The following PRPF6 variants were observed in gnomAD, a reference collection of about 807,000 sequenced individuals.
The protein encoded by PRPF6 is pre-mRNA processing factor 6.
In PRPF6, 42 loss-of-function variants were observed where a neutral mutation model predicts 118.3. The observed-to-expected ratio is 0.35, with a 90% CI of 0.28 to 0.46. PRPF6 has a LOEUF of 0.46. Among genes scored for constraint, PRPF6 ranks in the 20% least tolerant of loss-of-function variants. The pLI is 1.00. For synonymous variants in PRPF6, 481 were observed against 485.1 expected, an observed-to-expected ratio of 0.99 and a Z score of 0.11; for missense variants, 662 against 1,255.7, an observed-to-expected ratio of 0.53 and a Z score of 7.15.
chr20:63,995,476 G>A lies in PRPF6; in HGVS notation c.765G>A (p.Leu255=). 2 of 1,614,106 alleles carry A rather than the reference G, an allele frequency of 1.2e-6. No individual in the cohort carries two copies. Among genetic ancestry groups the A allele is most frequent in the Non-Finnish European group, 1.7e-6 (2 of 1,180,032 alleles). The change falls in exon 6 of 21, where the codon CTG becomes CTA. Residue 255 remains leucine, a synonymous_variant. Coordinates refer to ENST00000266079, the MANE Select transcript of PRPF6 (RefSeq NM_012469.4). ...GGAACACTCTGATGGACATGAGGCT[G>A]AGCCAGGTGAGTTTGTCACACAGCA... ...QARNTLMDMR[L]SQVSDSVSGQ...
intron 10 of PRPF6, 61 bp downstream of exon 10, chr20:64,010,379 C>T: frequency 7.5e-7 from 1 of 1,333,502 alleles, no homozygotes. Context: ...AGCCCAGGTT[C>T]AGTGTCTGGA....
At position 64,010,266 on chromosome 20, in the gene PRPF6, A is replaced by G; in HGVS notation, c.1253A>G (p.Asp418Gly). 6.2e-7 allele frequency: 1 copy of G among 1,614,134 alleles called. No individual in the cohort carries two copies. Among genetic ancestry groups the G allele is most frequent in the Non-Finnish European group, 8.5e-7 (1 of 1,180,034 alleles). The change falls in exon 10 of 21, where the codon GAT becomes GGT. Residue 418 changes from aspartate (D) to glycine (G), a missense_variant. Around this residue, in one of 10 missense-constraint regions of PRPF6, gnomAD observed 189 missense variants for 323.5 expected, o/e 0.58. Transcript: ENST00000266079. ...GCCGTTGAGCTGGAAGAACCTGAAG[A>G]TGCTAGAATCATGCTGAGCCGAGCT... Reference protein sequence around the residue: ...KAAVELEEPEDARIMLSRAVE... With the variant: ...KAAVELEEPEGARIMLSRAVE...
At chr20:63,997,398 C>T (rs370528638) in intron 6 of PRPF6, among the ~76,000 whole-genome samples, 8 of 146,436 alleles carry the variant, frequency 5.5e-5, no homozygotes, top group African/African-American at 2.0e-4. Context: ...TCAAATGATT[C>T]TCCCACCTGA....
intron 3 of PRPF6, among the ~76,000 whole-genome samples, 181 bp from the exon 4 acceptor site, chr20:63,993,226 A>ATGTGTGTGTG (rs61077852): frequency 0.014 from 1,852 of 129,290 alleles, 21 homozygotes; most frequent in Admixed American, 0.019. Context: ...AAAAAAAAAA[A>ATGTGTGTGTG]TGTGTGTGTG....
chr20:63,986,988 G>A (rs1361599930), intron 3 of PRPF6, among the ~76,000 whole-genome samples: 2 of 151,064 alleles, frequency 1.3e-5, no homozygotes, highest in Non-Finnish European at 3.0e-5. Context: ...AGGCAAGAGG[G>A]TAATACCTTT....
chr20:63,982,415 C>G (rs1465382066), intron 1 of PRPF6, among the ~76,000 whole-genome samples: 1 of 152,158 alleles, frequency 6.6e-6, no homozygotes, highest in African/African-American at 2.4e-5. Flanking sequence ...CATGATCCAC[C>G]CGCCTCCGTC....
intron 14 of PRPF6, among the ~76,000 whole-genome samples, chr20:64,025,514 T>C (rs1407247708): frequency 1.3e-5 from 2 of 152,244 alleles, no homozygotes; most frequent in Admixed American, 6.5e-5. Context: ...CCTGCCCATG[T>C]GGGCTCATGA....
rs1425888052 is a variant in PRPF6 at position 64,031,681 on chromosome 20, AAAAAAAAAAACAAC to A, written c.2547-227_2547-214del. Among the ~76,000 whole-genome samples, 626 of 151,442 alleles carry A rather than the reference AAAAAAAAAAACAAC, an allele frequency of 4.1e-3. 6 individuals are homozygous for A. Among genetic ancestry groups the A allele is most frequent in the African/African-American group, 0.015 (602 of 41,134 alleles). On this transcript the variant is annotated intron_variant, in intron 19 of 20. Transcript: ENST00000266079. The stretch of plus-strand genomic sequence containing the variant: ...GAGCGAGACTCCTTCTCAAAAAAAA[AAAAAAAAAAACAAC>A]AAAAAAAAACCAATTTGGTTAGACC...
In PRPF6 at chr20:63,995,457, C is replaced by T; in HGVS notation, c.746C>T (p.Thr249Ile). 6.2e-7 allele frequency: 1 copy of T among 1,614,152 alleles called. No individual in the cohort carries two copies. Among genetic ancestry groups the T allele is most frequent in the African/African-American group, 1.3e-5 (1 of 75,038 alleles). The change falls in exon 6 of 21, where the codon ACT becomes ATT. Residue 249 changes from threonine (T) to isoleucine (I), a missense_variant. By Grantham distance (89) the Thr-to-Ile change is moderately conservative. This residue lies in a region of PRPF6 where 71 missense variants were observed against 166.4 expected (regional missense o/e 0.43). Transcript: ENST00000266079. ...DMRKIGQARN[T>I]LMDMRLSQVS... is the part of the protein sequence containing the mutation. ...AGGAAGATTGGCCAAGCGAGGAACA[C>T]TCTGATGGACATGAGGCTGAGCCAG... is the stretch of plus-strand genomic sequence containing the variant.
chr20:63,993,256 GTGTGTGTATA>G (rs1329118402), intron 3 of PRPF6, 141 bp from the exon 4 acceptor site: 14 of 423,078 alleles, frequency 3.3e-5, no homozygotes, highest in African/African-American at 1.8e-4. Flanking sequence ...GTGTGTGTGT[GTGTGTGTATA>G]TGTATATATA....
At chr20:63,997,809 C>T (rs1013840701) in intron 6 of PRPF6, among the ~76,000 whole-genome samples, 13 of 151,736 alleles carry the variant, frequency 8.6e-5, no homozygotes, top group African/African-American at 3.1e-4. Flanking sequence ...TCCTGACCTC[C>T]AGTGATCCAC....
rs376119725 is a variant in PRPF6 at position 64,024,547 on chromosome 20, T to A, written c.1770-8T>A. On this transcript the variant is annotated splice_polypyrimidine_tract_variant and splice_region_variant and intron_variant, in intron 13 of 20. Coordinates refer to ENST00000266079, the MANE Select transcript of PRPF6 (RefSeq NM_012469.4). ...TGCCTCTGGTGACCGTGGCCTCTTA[T>A]CTTGCAGGGAGTCCCTGGAAGCACT... The A allele has an allele frequency of 5.5e-5, 88 of 1,613,210 alleles. No individual in the cohort carries two copies. The African/African-American group carries it at 1.1e-3, about 21-fold the overall frequency.
intron 10 of PRPF6, among the ~76,000 whole-genome samples, chr20:64,010,951 T>A (rs2059214060): frequency 6.6e-6 from 1 of 152,162 alleles, no homozygotes; most frequent in African/African-American, 2.4e-5. Flanking sequence ...CCCTTCTGTG[T>A]GTTTAGCCTG....
In PRPF6 at chr20:64,027,551, C is replaced by G. The variant is rs2059296434; in HGVS notation, c.2206-52C>G. ...GATGAGAAGCTGGGCATGGCTGTGTCCCAGTTCTTCATAGACACCACCTGA... is the reference window on the plus strand; with the variant it reads ...GATGAGAAGCTGGGCATGGCTGTGTGCCAGTTCTTCATAGACACCACCTGA... On this transcript the variant is annotated intron_variant, in intron 16 of 20. Coordinates refer to ENST00000266079, the MANE Select transcript of PRPF6 (RefSeq NM_012469.4). This position sits in a 1 kb window ranked among gnomAD's most constrained non-coding sequence, Gnocchi z 6.5. The G allele has an allele frequency of 5.6e-6, 9 of 1,613,366 alleles. No individual in the cohort carries two copies. In the South Asian group the frequency reaches 9.9e-5, roughly 18 times the overall value.
At chr20:63,993,996 C>T (rs552421006) in intron 4 of PRPF6, among the ~76,000 whole-genome samples, 1 of 152,194 alleles carries the variant, frequency 6.6e-6, no homozygotes, top group Admixed American at 6.6e-5. Context: ...GTGATCTGCC[C>T]ACCTCAGCCT....
At chr20:64,031,687 A>AAAC (rs1555921512) in intron 19 of PRPF6, among the ~76,000 whole-genome samples, 5 of 149,154 alleles carry the variant, frequency 3.4e-5, no homozygotes, top group Admixed American at 1.3e-4. Flanking sequence ...AAAAAAAAAA[A>AAAC]AAAACAACAA....
chr20:63,984,527 C>T (rs1371188989), intron 2 of PRPF6, among the ~76,000 whole-genome samples: 1 of 152,196 alleles, frequency 6.6e-6, no homozygotes, highest in Non-Finnish European at 1.5e-5. Flanking sequence ...CCAAGCTTCT[C>T]CCGATGTTAC....
Position 64,027,153 on chromosome 20 carries a change from C to G in PRPF6, c.2200C>G (p.Gln734Glu), listed in dbSNP as rs150405861. ...MMEKAREAYNQGLKKCPHSTP... is the reference protein window; with the variant it reads ...MMEKAREAYNEGLKKCPHSTP... ...GGAGAAGGCGCGGGAAGCCTATAAC[C>G]AGGGGGTACGTCTCTGCCTGCACCC... The change falls in exon 16 of 21, where the codon CAG becomes GAG. Residue 734 changes from glutamine to glutamate, a missense_variant. Gln to Glu is a conservative substitution (Grantham distance 29). Transcript: ENST00000266079. This position sits in a 1 kb window ranked among gnomAD's most constrained non-coding sequence, Gnocchi z 6.5. 16 of 1,613,304 alleles carry G rather than the reference C, an allele frequency of 9.9e-6. No individual in the cohort carries two copies. The highest frequency in any genetic ancestry group is 1.3e-5 in the Non-Finnish European group (15 of 1,180,010).
At chr20:64,016,280 G>A (rs998520328) in intron 11 of PRPF6, among the ~76,000 whole-genome samples, 8 of 151,828 alleles carry the variant, frequency 5.3e-5, no homozygotes, top group Admixed American at 4.6e-4. Flanking sequence ...CCACCACCAC[G>A]CCTGGCTAAT....
Sources: allele counts gnomAD v4.1 joint callset (sites outside exome capture counted in the v4.1 genomes callset), GRCh38; gene constraint gnomAD v4.1.1; regional missense constraint gnomAD v4.1.1; non-coding constraint Gnocchi (gnomAD v3.1); transcripts MANE v1.5; gene names NCBI Gene and HGNC (gene_info 2026-07-23, HGNC 2026-07-21).